Variants in CA10 observed in about 807,000 individuals in gnomAD.
The protein encoded by CA10 is carbonic anhydrase 10 (inactive).
A neutral mutation model predicts 44.2 loss-of-function variants in CA10; 14 were observed. The ratio of observed to expected loss-of-function variants is 0.32; its 90% CI spans 0.21 to 0.50. The LOEUF (loss-of-function observed/expected upper bound fraction) is 0.50. CA10 is among the 20% of genes least tolerant of loss of function. The probability of loss-of-function intolerance (pLI) is 0.99; values close to 1 mark genes in which losing one functional copy is unlikely to be tolerated. For synonymous variants in CA10, 159 were observed against 141.6 expected, an observed-to-expected ratio of 1.12 and a Z score of -0.87; for missense variants, 350 against 409.7, an observed-to-expected ratio of 0.85 and a Z score of 1.26.
At chr17:52,017,300 G>A (rs1454018204) in intron 2 of CA10, among the ~76,000 whole-genome samples, 1 of 152,122 alleles carries the variant, frequency 6.6e-6, no homozygotes, top group African/African-American at 2.4e-5. Flanking sequence ...GAAAGATGAA[G>A]GAAAGTTTGG....
chr17:52,044,171 T>G (rs2144196625), intron 2 of CA10, among the ~76,000 whole-genome samples: 1 of 152,280 alleles, frequency 6.6e-6, no homozygotes, highest in Admixed American at 6.5e-5. Flanking sequence ...TCACCCATGA[T>G]CCATCTGCTC....
At chr17:52,042,530 TA>T (rs758895196) in intron 2 of CA10, among the ~76,000 whole-genome samples, 16 of 152,032 alleles carry the variant, frequency 1.1e-4, no homozygotes, top group Non-Finnish European at 1.9e-4. Context: ...AATTTGCAAA[TA>T]TTTTCTCCCA....
chr17:51,966,219 A>G (rs1294294460), intron 2 of CA10, among the ~76,000 whole-genome samples: 2 of 151,998 alleles, frequency 1.3e-5, no homozygotes, highest in Non-Finnish European at 2.9e-5. Context: ...CAGATGACAC[A>G]GACGGAAGAA....
At chr17:51,849,156 C>CAT (rs1417166587) in intron 3 of CA10, among the ~76,000 whole-genome samples, 2 of 102,246 alleles carry the variant, frequency 2.0e-5, no homozygotes, top group African/African-American at 6.9e-5. Flanking sequence ...TATATATATA[C>CAT]ATATATGTAT....
At position 51,831,733 on chromosome 17, in the gene CA10, A is replaced by AGCAGCAGCAGCAGC. The variant is rs1567854687; in HGVS notation, c.280-83916_280-83915insGCTGCTGCTGCTGC. Among the ~76,000 whole-genome samples, 61 of 121,566 alleles carry AGCAGCAGCAGCAGC rather than the reference A, an allele frequency of 5.0e-4. 3 individuals carry two copies. The highest frequency in any genetic ancestry group is 4.2e-3 in the Middle Eastern group (1 of 238). The allele number at this position is 121,566 out of a possible 152,430, so 79.8% of individuals were successfully genotyped here. ...GCAGCAGCAGCAGCAGCAGCAGCAG[A>AGCAGCAGCAGCAGC]AAAAGACCTTCCTTCCACCTTATTT... On this transcript the variant is annotated intron_variant, in intron 3 of 8. Transcript: ENST00000451037.
At chr17:51,945,610 T>C (rs1425865522) in intron 2 of CA10, among the ~76,000 whole-genome samples, 1 of 152,056 alleles carries the variant, frequency 6.6e-6, no homozygotes, top group Admixed American at 6.5e-5. Context: ...AACAGGGGGA[T>C]TAGTAATCTC....
intron 3 of CA10, among the ~76,000 whole-genome samples, chr17:51,845,374 G>T (rs1978446582): frequency 6.6e-6 from 1 of 152,184 alleles, no homozygotes; most frequent in Non-Finnish European, 1.5e-5. Flanking sequence ...GCAGCCTGCA[G>T]AGAGGCCCCA....
intron 3 of CA10, among the ~76,000 whole-genome samples, chr17:51,820,836 GTTA>G (rs1907752470): frequency 6.6e-6 from 1 of 152,040 alleles, no homozygotes. Context: ...TTGTACATCA[GTTA>G]TTATTCTTAC....
chr17:51,724,220 T>C (rs971987225), intron 4 of CA10, among the ~76,000 whole-genome samples: 2 of 152,224 alleles, frequency 1.3e-5, no homozygotes, highest in African/African-American at 4.8e-5. Flanking sequence ...TTCTCATGAA[T>C]TCTGTAATGG....
At chr17:52,121,265 C>G (rs557598203) in intron 1 of CA10, among the ~76,000 whole-genome samples, 13 of 152,280 alleles carry the variant, frequency 8.5e-5, no homozygotes, top group Admixed American at 3.3e-4. Flanking sequence ...CCTTCTCTGC[C>G]TCATCTCTGG....
At chr17:52,126,509 G>A (rs570592303) in intron 1 of CA10, among the ~76,000 whole-genome samples, 16 of 152,218 alleles carry the variant, frequency 1.1e-4, no homozygotes, top group African/African-American at 1.9e-4. Context: ...AAAGTCATGC[G>A]TTTACTGCTG....
chr17:51,831,158 A>G (rs1436773739), intron 3 of CA10, among the ~76,000 whole-genome samples: 2 of 152,158 alleles, frequency 1.3e-5, no homozygotes, highest in African/African-American at 2.4e-5. Context: ...TGGAGCTGAG[A>G]GCAATAGCTC....
At chr17:52,120,662 G>T (rs2143314836) in intron 1 of CA10, among the ~76,000 whole-genome samples, 1 of 152,272 alleles carries the variant, frequency 6.6e-6, no homozygotes, top group South Asian at 2.1e-4. Flanking sequence ...ACAGGGTCTT[G>T]CCTGGGCATG....
intron 3 of CA10, among the ~76,000 whole-genome samples, chr17:51,888,703 G>A (rs1269373765): frequency 6.6e-6 from 1 of 152,158 alleles, no homozygotes; most frequent in Admixed American, 6.5e-5. Flanking sequence ...CTAGATCTTG[G>A]TAGATACTGA....
chr17:51,767,340 A>C (rs931175164), intron 3 of CA10, among the ~76,000 whole-genome samples: 1 of 152,136 alleles, frequency 6.6e-6, no homozygotes, highest in Non-Finnish European at 1.5e-5. Context: ...GAGCCTCTTA[A>C]ATTTGTAAAA....
chr17:51,955,659 C>T (rs16950872), intron 2 of CA10, among the ~76,000 whole-genome samples: 3 of 152,072 alleles, frequency 2.0e-5, no homozygotes, highest in African/African-American at 7.2e-5. Context: ...TCTCTGGTCT[C>T]AAAGCCTTCT....
intron 3 of CA10, among the ~76,000 whole-genome samples, chr17:51,825,585 C>T (rs1293224492): frequency 6.6e-6 from 1 of 152,208 alleles, no homozygotes; most frequent in African/African-American, 2.4e-5. Context: ...AGAATTCCAT[C>T]TTTTGAACCA....
intron 3 of CA10, among the ~76,000 whole-genome samples, chr17:51,817,239 C>A (rs12451068): frequency 0.2 from 31,107 of 152,112 alleles, 3,277 homozygotes; most frequent in Middle Eastern, 0.32. Context: ...AACAAACTAC[C>A]ATCCACATGT....
intron 4 of CA10, among the ~76,000 whole-genome samples, chr17:51,710,828 C>A (rs368110702): frequency 1.3e-5 from 2 of 151,130 alleles, no homozygotes; most frequent in East Asian, 3.9e-4. Flanking sequence ...AAAACATAGA[C>A]AAATTGGCTC....
Sources: gnomAD v4.1 joint callset for allele counts (sites outside exome capture counted in the v4.1 genomes callset) on GRCh38, gnomAD v4.1.1 for gene constraint, MANE v1.5 for transcripts, NCBI Gene and HGNC (gene_info 2026-07-23, HGNC 2026-07-21) for gene names.